Variants in OPCML observed in about 807,000 individuals in gnomAD.
OPCML encodes opioid-binding protein/cell adhesion molecule.
A neutral mutation model predicts 37.8 loss-of-function variants in OPCML; 13 were observed. The observed-to-expected ratio is 0.34, with a 90% confidence interval of 0.22 to 0.55. The LOEUF is 0.55. OPCML is among the 20% of genes least tolerant of loss of function. The pLI is 0.91. For synonymous variants in OPCML, 176 were observed against 168.8 expected, an observed-to-expected ratio of 1.04 and a Z score of -0.33; for missense variants, 341 against 435.6, an observed-to-expected ratio of 0.78 and a Z score of 1.93.
chr11:132,615,857 G>A (rs867746390), intron 3 of OPCML, among the ~76,000 whole-genome samples: 33 of 152,294 alleles, frequency 2.2e-4, no homozygotes, highest in African/African-American at 9.6e-5. Context: ...CAAAGTATAT[G>A]TTTTAGGAAC....
At chr11:133,279,532 C>T (rs1338401637) in intron 1 of OPCML, among the ~76,000 whole-genome samples, 1 of 152,174 alleles carries the variant, frequency 6.6e-6, no homozygotes, top group African/African-American at 2.4e-5. Flanking sequence ...AAACTCACTA[C>T]TTTGTTCCCC....
intron 2 of OPCML, among the ~76,000 whole-genome samples, chr11:132,731,071 A>G (rs1348763491): frequency 2.0e-5 from 3 of 152,216 alleles, no homozygotes; most frequent in Non-Finnish European, 4.4e-5. Flanking sequence ...TGATAATGAA[A>G]TGTTCCATCA....
At chr11:132,618,829 G>A (rs1300992911) in intron 3 of OPCML, among the ~76,000 whole-genome samples, 2 of 151,938 alleles carry the variant, frequency 1.3e-5, no homozygotes, top group Non-Finnish European at 2.9e-5. Context: ...TAAACAATAA[G>A]TTTCCATTCA....
At chr11:132,703,558 G>A (rs1943914270) in intron 2 of OPCML, among the ~76,000 whole-genome samples, 1 of 152,204 alleles carries the variant, frequency 6.6e-6, no homozygotes, top group Non-Finnish European at 1.5e-5. Flanking sequence ...AGTCTGTCCA[G>A]AGATTCTGGT....
intron 1 of OPCML, among the ~76,000 whole-genome samples, chr11:133,062,592 C>G (rs974790936): frequency 6.6e-6 from 1 of 152,216 alleles, no homozygotes; most frequent in East Asian, 1.9e-4. Flanking sequence ...TAGGTTCCAA[C>G]CCTTCATCCC....
At chr11:132,731,407 G>T (rs943720091) in intron 2 of OPCML, among the ~76,000 whole-genome samples, 2 of 152,190 alleles carry the variant, frequency 1.3e-5, no homozygotes, top group Non-Finnish European at 2.9e-5. Context: ...GAGTTATAAA[G>T]CTTGGTTCTC....
chr11:133,397,701 C>T (rs1322527908), intron 1 of OPCML, among the ~76,000 whole-genome samples: 1 of 152,222 alleles, frequency 6.6e-6, no homozygotes, highest in African/African-American at 2.4e-5. Flanking sequence ...ACAGCATTTT[C>T]CTTGGAACCA....
At chr11:133,151,730 T>G (rs1369823499) in intron 1 of OPCML, among the ~76,000 whole-genome samples, 4 of 152,146 alleles carry the variant, frequency 2.6e-5, no homozygotes, top group Admixed American at 2.6e-4. Context: ...TTCCCACCTG[T>G]GTTCTATCAC....
intron 2 of OPCML, among the ~76,000 whole-genome samples, chr11:132,729,900 G>T (rs1241061368): frequency 1.3e-5 from 2 of 151,930 alleles, no homozygotes; most frequent in Non-Finnish European, 2.9e-5. Flanking sequence ...GCACCAAAGG[G>T]ATGCTTTTCC....
chr11:132,921,045 C>G (rs963846633), intron 2 of OPCML, among the ~76,000 whole-genome samples: 7 of 152,248 alleles, frequency 4.6e-5, no homozygotes, highest in African/African-American at 1.7e-4. Context: ...CCGCCACATG[C>G]TGGCCTTGCT....
At chr11:133,499,927 A>C (rs1418333240) in intron 1 of OPCML, among the ~76,000 whole-genome samples, 1 of 146,426 alleles carries the variant, frequency 6.8e-6, no homozygotes, top group East Asian at 2.0e-4. Context: ...GCTGGAGTGC[A>C]ATGGTGAGAT....
Position 132,874,142 on chromosome 11 carries a change from A to G in OPCML, c.146+68784T>C, listed in dbSNP as rs948629472. On this transcript the variant is annotated intron_variant, in intron 2 of 7. Transcript: ENST00000524381. ...TGTCTATGTTTAATGACTGCCATCAATTATATACTTCTTTTCTCCCCATGA... is the reference window on the plus strand; with the variant it reads ...TGTCTATGTTTAATGACTGCCATCAGTTATATACTTCTTTTCTCCCCATGA... 8.5e-5 allele frequency among the ~76,000 whole-genome samples: 13 copies of G among 152,282 alleles called. No homozygotes were observed. The South Asian group carries it at 1.9e-3, about 22-fold the overall frequency.
At position 133,206,672 on chromosome 11, in the gene OPCML, C is replaced by G. The variant is rs1051282952; in HGVS notation, c.62-263662G>C. Among the ~76,000 whole-genome samples the G allele has an allele frequency of 2.6e-5, 4 of 152,206 alleles. No individual in the cohort carries two copies. Among genetic ancestry groups the G allele is most frequent in the African/African-American group, 9.7e-5 (4 of 41,446 alleles). On this transcript the variant is annotated intron_variant, in intron 1 of 7. Transcript: ENST00000524381. This position sits in a 1 kb window ranked among gnomAD's most constrained non-coding sequence, Gnocchi z 4.7. ...TAGGGCCGAGCAAAGGCTGTGCTCT[C>G]CTGCTCGATGAAGCTTCTATCTGTG... is the stretch of plus-strand genomic sequence containing the variant.
intron 2 of OPCML, among the ~76,000 whole-genome samples, chr11:132,814,119 G>A (rs1284816282): frequency 6.6e-6 from 1 of 152,154 alleles, no homozygotes; most frequent in Non-Finnish European, 1.5e-5. Context: ...AAGTTCACAG[G>A]TTTCTTTGCT....
intron 1 of OPCML, among the ~76,000 whole-genome samples, chr11:133,150,269 T>G (rs1477914856): frequency 6.6e-6 from 1 of 152,234 alleles, no homozygotes; most frequent in Non-Finnish European, 1.5e-5. Flanking sequence ...TGTCAGGGAC[T>G]GCGCTAAACC....
intron 1 of OPCML, among the ~76,000 whole-genome samples, chr11:133,144,189 A>C (rs1431784792): frequency 6.6e-6 from 1 of 152,202 alleles, no homozygotes; most frequent in Non-Finnish European, 1.5e-5. Flanking sequence ...AAAAAACAGC[A>C]GCCCATCTCT....
intron 1 of OPCML, among the ~76,000 whole-genome samples, chr11:133,303,129 A>G (rs1592182901): frequency 1.3e-5 from 2 of 152,184 alleles, no homozygotes; most frequent in Non-Finnish European, 2.9e-5. Flanking sequence ...TAAGTGAAAA[A>G]TATCTGGAAA....
chr11:133,401,062 T>G (rs1025203558), intron 1 of OPCML, among the ~76,000 whole-genome samples: 2 of 152,166 alleles, frequency 1.3e-5, no homozygotes, highest in African/African-American at 4.8e-5. Flanking sequence ...TAGCAGCAAT[T>G]TCCCCAAGTT....
At chr11:133,518,102 A>C (rs963315748) in intron 1 of OPCML, among the ~76,000 whole-genome samples, 3 of 152,066 alleles carry the variant, frequency 2.0e-5, no homozygotes, top group African/African-American at 7.2e-5. Context: ...TGTGGTGTGC[A>C]TATGTATGTG....
Sources: allele counts gnomAD v4.1 joint callset (sites outside exome capture counted in the v4.1 genomes callset), GRCh38; gene constraint gnomAD v4.1.1; non-coding constraint Gnocchi (gnomAD v3.1); transcripts MANE v1.5; gene names NCBI Gene and HGNC (gene_info 2026-07-23, HGNC 2026-07-21).